Variants in ERMP1 observed in about 807,000 individuals in gnomAD.
ERMP1 encodes Felix-ina.
Under a neutral mutation model 92.0 loss-of-function variants are expected in ERMP1, and 86 were observed. The ratio of observed to expected loss-of-function variants is 0.93; its 90% CI spans 0.79 to 1.12. The LOEUF is 1.12. ERMP1 is among the 50% of genes most tolerant of loss of function. The pLI is 0.00. For missense variants in ERMP1, 1,342 were observed against 1,116.3 expected (o/e 1.20, Z -2.88); for synonymous variants, 530 against 412.8 (o/e 1.28, Z -3.44).
chr9:5,849,030 T>A lies in ERMP1; in HGVS notation n.3199+10438A>T, dbSNP rs111608297. ...TTTATTTTTATTTATATTTATATTT[T>A]TATTTTTATTTTAGATGGAGTCTTG... is the stretch of plus-strand genomic sequence containing the variant. On this transcript the variant is annotated intron_variant and non_coding_transcript_variant, in intron 6 of 6. Coordinates refer to the ERMP1 transcript ENST00000690753. Among the ~76,000 whole-genome samples, 147 of 152,278 alleles carry A rather than the reference T, an allele frequency of 9.7e-4. 1 individual carries two copies. The highest frequency in any genetic ancestry group is 3.1e-3 in the African/African-American group (127 of 41,574).
chr9:5,817,683 G>C (rs1829370475), intron 4 of ERMP1, among the ~76,000 whole-genome samples: 1 of 152,120 alleles, frequency 6.6e-6, no homozygotes, highest in African/African-American at 2.4e-5. Context: ...CTTTCTTAAT[G>C]CAAAGAGTAT....
intron 10 of ERMP1, among the ~76,000 whole-genome samples, chr9:5,804,728 T>C (rs942246254): frequency 6.6e-6 from 1 of 152,086 alleles, no homozygotes; most frequent in African/African-American, 2.4e-5. Flanking sequence ...TAACAATTAA[T>C]ACTTGGTAAA....
At chr9:5,816,825 G>A (rs72693791) in intron 4 of ERMP1, among the ~76,000 whole-genome samples, 8,437 of 151,984 alleles carry the variant, frequency 0.056, 329 homozygotes, top group Non-Finnish European at 0.087. Context: ...CCTGTCCAAG[G>A]TTCCACGTGT....
chr9:5,802,230 G>A (rs537432217), intron 10 of ERMP1, among the ~76,000 whole-genome samples: 1 of 152,250 alleles, frequency 6.6e-6, no homozygotes, highest in South Asian at 2.1e-4. Flanking sequence ...AATGTGAGAT[G>A]TGTGACCTAA....
rs35593711 is a variant in ERMP1 at position 5,861,170 on chromosome 9, G to GGTGTGTGTGTGT, written n.3056-1571_3056-1560dup. ...GCAGTGAACCCACAATGGCTTAGGG[G>GGTGTGTGTGTGT]GTGTGTGTGTGTGTGTGTGTGTGTG... On this transcript the variant is annotated intron_variant and non_coding_transcript_variant, in intron 5 of 6. Coordinates refer to the ERMP1 transcript ENST00000690753. 3.4e-3 allele frequency among the ~76,000 whole-genome samples: 352 copies of GGTGTGTGTGTGT among 102,102 alleles called. 2 individuals are homozygous for GGTGTGTGTGTGT. The highest frequency in any genetic ancestry group is 4.7e-3 in the Non-Finnish European group (231 of 49,160). The allele number at this position is 102,102 out of a possible 152,430, so 67.0% of individuals were successfully genotyped here.
chr9:5,865,598 C>T (rs1209533270), intron 5 of ERMP1, among the ~76,000 whole-genome samples: 2 of 151,258 alleles, frequency 1.3e-5, no homozygotes, highest in African/African-American at 2.4e-5. Context: ...TTTCGCAGGC[C>T]GAGGCAAGCG....
chr9:5,851,529 G>A (rs1235067321), intron 6 of ERMP1, among the ~76,000 whole-genome samples: 1 of 152,170 alleles, frequency 6.6e-6, no homozygotes, highest in Non-Finnish European at 1.5e-5. Flanking sequence ...GCGAGGGAGG[G>A]TTCGTGATCA....
At chr9:5,803,488 C>T (rs62558094) in intron 10 of ERMP1, among the ~76,000 whole-genome samples, 90 of 152,220 alleles carry the variant, frequency 5.9e-4, no homozygotes, top group Non-Finnish European at 1.1e-3. Flanking sequence ...ATTTTGCCCC[C>T]TTTCATATTA....
At chr9:5,844,978 G>C (rs1314336798) in intron 6 of ERMP1, among the ~76,000 whole-genome samples, 1 of 152,128 alleles carries the variant, frequency 6.6e-6, no homozygotes, top group Non-Finnish European at 1.5e-5. Context: ...CCCTCTGGTA[G>C]TTTAGCTTGG....
chr9:5,861,958 C>T (rs1042113700), intron 5 of ERMP1, among the ~76,000 whole-genome samples: 7 of 151,910 alleles, frequency 4.6e-5, no homozygotes, highest in Non-Finnish European at 1.0e-4. Flanking sequence ...AATCCAACCA[C>T]TAGTCCTTTA....
At chr9:5,864,152 G>A (rs1214226911) in intron 5 of ERMP1, among the ~76,000 whole-genome samples, 7 of 152,206 alleles carry the variant, frequency 4.6e-5, no homozygotes, top group Admixed American at 3.3e-4. Flanking sequence ...ATTGGTAGCT[G>A]AATGTGGTTT....
At chr9:5,819,315 C>T (rs1009282012) in intron 4 of ERMP1, among the ~76,000 whole-genome samples, 4 of 152,194 alleles carry the variant, frequency 2.6e-5, no homozygotes, top group African/African-American at 7.2e-5. Context: ...GACTCACTTG[C>T]GTTAAAAACT....
In ERMP1 at chr9:5,786,386, G is replaced by A. The variant is rs1827935786; in HGVS notation, c.*758C>T. 2 of 152,188 alleles carry A rather than the reference G, an allele frequency of 1.3e-5. No individual in the cohort carries two copies. The highest frequency in any genetic ancestry group is 6.5e-5 in the Admixed American group (1 of 15,274). 9.4% of individuals were successfully genotyped at this position (152,188 alleles called of 1,614,324 possible). Reference sequence around the variant, plus strand: ...CAAAAGAACCTACGAAAACCAGAGGGGTATGTGGCCAAATATTCCCCTTTT... The same window carrying A: ...CAAAAGAACCTACGAAAACCAGAGGAGTATGTGGCCAAATATTCCCCTTTT... On this transcript the variant is annotated 3_prime_UTR_variant, in exon 15 of 15. Transcript: ENST00000339450.
chr9:5,797,971 T>C (rs1563750186), intron 12 of ERMP1, 39 bp from the exon 13 acceptor site: 1 of 1,227,992 alleles, frequency 8.1e-7, no homozygotes, highest in Non-Finnish European at 1.2e-6. Context: ...GGTGCTTTAT[T>C]ATTTGATGGC....
At chr9:5,831,210 A>C (rs575935405) in intron 1 of ERMP1, among the ~76,000 whole-genome samples, 182 bp from the exon 2 acceptor site, 1 of 152,080 alleles carries the variant, frequency 6.6e-6, no homozygotes, top group Admixed American at 6.5e-5. Context: ...CCATATTTTT[A>C]TTGTTGCCTC....
chr9:5,858,364 C>A (rs183306256), intron 6 of ERMP1, among the ~76,000 whole-genome samples: 5 of 152,268 alleles, frequency 3.3e-5, no homozygotes, highest in East Asian at 3.9e-4. Flanking sequence ...GAGGGTAAGA[C>A]CATGTTGAAC....
chr9:5,839,900 C>A (rs1183708582), intron 6 of ERMP1, among the ~76,000 whole-genome samples: 1 of 152,212 alleles, frequency 6.6e-6, no homozygotes, highest in African/African-American at 2.4e-5. Context: ...CTAAAAAAAT[C>A]ATCCTCCTGT....
intron 6 of ERMP1, among the ~76,000 whole-genome samples, chr9:5,852,436 T>G (rs1479343050): frequency 2.0e-5 from 3 of 151,872 alleles, no homozygotes; most frequent in Admixed American, 2.0e-4. Flanking sequence ...TTGTATATTT[T>G]GTAGAGATGG....
upstream of ERMP1, among the ~76,000 whole-genome samples, chr9:5,837,217 T>C (rs1230678593): frequency 6.6e-6 from 1 of 152,176 alleles, no homozygotes; most frequent in Non-Finnish European, 1.5e-5. Context: ...ACTCCTGACC[T>C]CAAGCAATAC....
Sources: allele counts gnomAD v4.1 joint callset (sites outside exome capture counted in the v4.1 genomes callset), GRCh38; gene constraint gnomAD v4.1.1; transcripts MANE v1.5; gene names NCBI Gene and HGNC (gene_info 2026-07-23, HGNC 2026-07-21).